STIM2: variants seen among roughly 807,000 people sequenced by gnomAD.
The protein encoded by STIM2 is stromal interaction molecule 2.
In STIM2, 31 loss-of-function variants were observed where a neutral mutation model predicts 85.8. The ratio of observed to expected loss-of-function variants is 0.36; its 90% CI spans 0.27 to 0.49. The LOEUF (loss-of-function observed/expected upper bound fraction) is 0.49. Ranked by LOEUF, STIM2 falls within the 20% of genes least tolerant of loss-of-function variation. The pLI is 0.98. For synonymous variants in STIM2, 356 were observed against 331.1 expected, an observed-to-expected ratio of 1.08 and a Z score of -0.82; for missense variants, 841 against 927.6, an observed-to-expected ratio of 0.91 and a Z score of 1.21.
In STIM2 at chr4:27,025,362, A is replaced by G. The variant is rs1233932559; in HGVS notation, c.*2366A>G. 6.7e-6 allele frequency: 1 copy of G among 149,594 alleles called. No homozygotes were observed. The highest frequency in any genetic ancestry group is 2.1e-4 in the East Asian group (1 of 4,734). 9.3% of individuals were successfully genotyped at this position (149,594 alleles called of 1,614,324 possible). ...ATTATGGTGTTTTCCTGATTTTAAAAGCAATATTTTCCTTACTGTAAAAAA... is the reference window on the plus strand; with the variant it reads ...ATTATGGTGTTTTCCTGATTTTAAAGGCAATATTTTCCTTACTGTAAAAAA... On this transcript the variant is annotated 3_prime_UTR_variant, in exon 12 of 12. Coordinates refer to ENST00000467087, the MANE Select transcript of STIM2 (RefSeq NM_020860.4).
intron 11 of STIM2, chr4:27,019,381 T>C: frequency 7.8e-7 from 1 of 1,274,824 alleles, no homozygotes; most frequent in Non-Finnish European, 1.0e-6. Context: ...TATGACTAGC[T>C]TTTCGTCTGT....
At chr4:26,919,796 A>T (rs994690462) in intron 2 of STIM2, among the ~76,000 whole-genome samples, 162 bp downstream of exon 2, 13 of 152,150 alleles carry the variant, frequency 8.5e-5, no homozygotes, top group Non-Finnish European at 1.6e-4. Flanking sequence ...ATAAACATTT[A>T]CATGGTTTTT....
intron 1 of STIM2, among the ~76,000 whole-genome samples, chr4:26,909,631 T>A (rs889285946): frequency 1.3e-5 from 2 of 152,234 alleles, no homozygotes; most frequent in African/African-American, 4.8e-5. Flanking sequence ...ATTAATCATC[T>A]TTGTTCACTG....
At chr4:26,904,738 G>A (rs1724056717) in intron 1 of STIM2, among the ~76,000 whole-genome samples, 1 of 151,640 alleles carries the variant, frequency 6.6e-6, no homozygotes, top group Admixed American at 6.6e-5. Context: ...AAGTAGTGAA[G>A]TGGGGTTGAG....
intron 1 of STIM2, chr4:26,873,741 A>G: frequency 1.1e-6 from 1 of 880,240 alleles, no homozygotes; most frequent in South Asian, 1.3e-5. Flanking sequence ...CTGCCTCCAC[A>G]GGCTCTAGGT....
chr4:26,948,540 T>G (rs1725929825), intron 2 of STIM2, among the ~76,000 whole-genome samples: 1 of 152,152 alleles, frequency 6.6e-6, no homozygotes, highest in Admixed American at 6.5e-5. Flanking sequence ...GTTGGAAGGA[T>G]TGCTTGAGCC....
chr4:26,868,927 C>T (rs533023075), intron 1 of STIM2, among the ~76,000 whole-genome samples: 5 of 152,158 alleles, frequency 3.3e-5, no homozygotes, highest in Admixed American at 1.3e-4. Flanking sequence ...GAAAGAAAAG[C>T]TAAAGTGCAA....
intron 4 of STIM2, 122 bp downstream of exon 4, chr4:26,995,612 A>G (rs994788379): frequency 2.3e-6 from 1 of 433,606 alleles, no homozygotes; most frequent in African/African-American, 2.1e-5. Flanking sequence ...ATATAAATAT[A>G]TCCATTCTTT....
At chr4:26,983,547 G>T (rs992341322) in intron 3 of STIM2, among the ~76,000 whole-genome samples, 2 of 152,130 alleles carry the variant, frequency 1.3e-5, no homozygotes, top group Admixed American at 1.3e-4. Flanking sequence ...ACAAATTTCT[G>T]AGTACAGTTG....
At chr4:27,010,115 A>G (rs1320317496) in intron 10 of STIM2, among the ~76,000 whole-genome samples, 2 of 152,250 alleles carry the variant, frequency 1.3e-5, no homozygotes. Context: ...CTTTTAAATC[A>G]GAAAAAAGTA....
intron 1 of STIM2, among the ~76,000 whole-genome samples, chr4:26,874,593 T>C (rs1025671428): frequency 6.6e-6 from 1 of 152,200 alleles, no homozygotes; most frequent in African/African-American, 2.4e-5. Flanking sequence ...ATGGATAATT[T>C]CATATCTTTT....
At chr4:26,929,185 A>G (rs1391503846) in intron 2 of STIM2, among the ~76,000 whole-genome samples, 2 of 152,200 alleles carry the variant, frequency 1.3e-5, no homozygotes, top group African/African-American at 4.8e-5. Context: ...TAATATTAAA[A>G]TTTACTTCCT....
chr4:26,954,394 G>A (rs1231030572), intron 2 of STIM2, among the ~76,000 whole-genome samples: 1 of 125,592 alleles, frequency 8.0e-6, no homozygotes, highest in African/African-American at 3.5e-5. Flanking sequence ...GCATATAATT[G>A]GGTGTATTTA....
intron 3 of STIM2, among the ~76,000 whole-genome samples, chr4:26,981,413 AT>A (rs1355150908): frequency 1.8e-4 from 28 of 152,348 alleles, no homozygotes; most frequent in Non-Finnish European, 2.9e-5. Flanking sequence ...AATTAGTAGA[AT>A]TCTCTACCTG....
intron 3 of STIM2, among the ~76,000 whole-genome samples, chr4:26,982,617 C>A (rs1727442525): frequency 6.6e-6 from 1 of 152,030 alleles, no homozygotes; most frequent in South Asian, 2.1e-4. Flanking sequence ...TAACCTCAAT[C>A]CTGGAAACAG....
At chr4:26,952,895 ACT>A (rs1347956313) in intron 2 of STIM2, among the ~76,000 whole-genome samples, 2 of 152,064 alleles carry the variant, frequency 1.3e-5, no homozygotes, top group African/African-American at 4.8e-5. Context: ...TACATTACTG[ACT>A]CTCTCTTAGC....
intron 2 of STIM2, among the ~76,000 whole-genome samples, chr4:26,933,273 GTAAA>G (rs1725268766): frequency 2.0e-5 from 3 of 151,934 alleles, no homozygotes; most frequent in African/African-American, 7.3e-5. Context: ...GTACTTAAAG[GTAAA>G]TATTAAGGGG....
At chr4:26,919,356 T>C in intron 1 of STIM2, 148 bp from the exon 2 acceptor site, 1 of 961,194 alleles carries the variant, frequency 1.0e-6, no homozygotes, top group Non-Finnish European at 1.5e-6. Flanking sequence ...ACTTTTGATG[T>C]GAAGAATATT....
At chr4:26,903,457 A>G (rs1422178686) in intron 1 of STIM2, among the ~76,000 whole-genome samples, 1 of 152,192 alleles carries the variant, frequency 6.6e-6, no homozygotes, top group Non-Finnish European at 1.5e-5. Context: ...ATTTTAATGA[A>G]CTAGTTATTT....
Sources: allele counts gnomAD v4.1 joint callset (sites outside exome capture counted in the v4.1 genomes callset), GRCh38; gene constraint gnomAD v4.1.1; transcripts MANE v1.5; gene names NCBI Gene and HGNC (gene_info 2026-07-23, HGNC 2026-07-21).